ENTREP2: variants seen among roughly 807,000 people sequenced by gnomAD.
The protein encoded by ENTREP2 is protein ENTREP2.
the ENTREP2 span, among the ~76,000 whole-genome samples, chr15:29,281,701 C>T: frequency 9.2e-5 from 14 of 152,196 alleles, no homozygotes; most frequent in African/African-American, 1.7e-4. Flanking sequence ...TAACTTCCTT[C>T]GTTATTGAAA....
the ENTREP2 span, among the ~76,000 whole-genome samples, chr15:29,214,837 T>C: frequency 3.3e-5 from 5 of 152,348 alleles, no homozygotes; most frequent in East Asian, 1.9e-4. Flanking sequence ...CTTAAATTTA[T>C]TGAGGCTCGT....
chr15:29,261,633 C>T, the ENTREP2 span, among the ~76,000 whole-genome samples: 1 of 152,130 alleles, frequency 6.6e-6, no homozygotes, highest in East Asian at 1.9e-4. Context: ...ATTTTAAAAA[C>T]TGATTTTATA....
the ENTREP2 span, among the ~76,000 whole-genome samples, chr15:29,476,524 T>TC: frequency 6.6e-6 from 1 of 152,208 alleles, no homozygotes; most frequent in Non-Finnish European, 1.5e-5. Context: ...GACACATCCC[T>TC]CTTCGTGGTC....
chr15:29,549,912 G>T, the ENTREP2 span, among the ~76,000 whole-genome samples: 4 of 152,214 alleles, frequency 2.6e-5, no homozygotes, highest in African/African-American at 9.6e-5. Context: ...ATGATTCAGA[G>T]TCAGAGTGAG....
the ENTREP2 span, among the ~76,000 whole-genome samples, chr15:29,555,942 G>A: frequency 6.6e-6 from 1 of 152,196 alleles, no homozygotes; most frequent in Admixed American, 6.5e-5. Context: ...GCATGGGTAG[G>A]ACAGCTTCTT....
At chr15:29,254,516 T>C in the ENTREP2 span, among the ~76,000 whole-genome samples, 1 of 152,160 alleles carries the variant, frequency 6.6e-6, no homozygotes, top group Non-Finnish European at 1.5e-5. Flanking sequence ...GATTTCCTCA[T>C]TAAATAATGA....
chr15:29,217,399 G>T, the ENTREP2 span, among the ~76,000 whole-genome samples: 1 of 152,162 alleles, frequency 6.6e-6, no homozygotes, highest in African/African-American at 2.4e-5. Flanking sequence ...TAAAAACGAG[G>T]TTGGGCATTA....
the ENTREP2 span, among the ~76,000 whole-genome samples, chr15:29,532,155 A>C: frequency 0.044 from 6,626 of 152,232 alleles, 488 homozygotes; most frequent in African/African-American, 0.15. Context: ...CTCAGATTCT[A>C]ATTTTTACCC....
the ENTREP2 span, among the ~76,000 whole-genome samples, chr15:29,497,252 C>T: frequency 2.0e-5 from 3 of 152,174 alleles, no homozygotes; most frequent in Non-Finnish European, 4.4e-5. Flanking sequence ...ATGTAAGTTA[C>T]CAAGTCTGTG....
the ENTREP2 span, among the ~76,000 whole-genome samples, chr15:29,440,681 T>C: frequency 0.03 from 4,599 of 152,278 alleles, 246 homozygotes; most frequent in African/African-American, 0.1. Context: ...CAGGGTCGGC[T>C]GGGCCCAGGA....
At chr15:29,674,707 G>A in the ENTREP2 span, among the ~76,000 whole-genome samples, 1 of 151,548 alleles carries the variant, frequency 6.6e-6, no homozygotes, top group East Asian at 2.0e-4. Flanking sequence ...GGCATGCCGG[G>A]GGGGCGGAGG....
the ENTREP2 span, chr15:29,269,393 GA>G: frequency 6.2e-7 from 1 of 1,614,156 alleles, no homozygotes; most frequent in Non-Finnish European, 8.5e-7. Flanking sequence ...CGCTTGATCG[GA>G]ATCTTCTTCT....
chr15:29,655,524 C>T, the ENTREP2 span, among the ~76,000 whole-genome samples: 10 of 152,132 alleles, frequency 6.6e-5, no homozygotes, highest in Non-Finnish European at 1.2e-4. Context: ...AAAAAGCAAT[C>T]CCCAGTCAAA....
At chr15:29,128,792 G>A in the ENTREP2 span, 1 of 1,550,154 alleles carries the variant, frequency 6.5e-7, no homozygotes, top group Non-Finnish European at 8.7e-7. Flanking sequence ...AGCTTACCTG[G>A]AGTGCTGAAG....
the ENTREP2 span, chr15:29,128,867 A>G: frequency 5.2e-6 from 8 of 1,548,056 alleles, no homozygotes; most frequent in Non-Finnish European, 6.1e-6. Flanking sequence ...CTTGTAACCT[A>G]CAGTAAGAAA....
chr15:29,399,048 TGAA>T, the ENTREP2 span, among the ~76,000 whole-genome samples: 14 of 152,170 alleles, frequency 9.2e-5, no homozygotes, highest in Non-Finnish European at 1.3e-4. Flanking sequence ...CTGCTGGCCT[TGAA>T]GAAGTGGGCT....
At chr15:29,343,032 G>GGGGC in the ENTREP2 span, among the ~76,000 whole-genome samples, 11 of 146,220 alleles carry the variant, frequency 7.5e-5, no homozygotes, top group East Asian at 1.8e-3. Flanking sequence ...AGGAATGGGG[G>GGGGC]GGGTGGTTCT....
the ENTREP2 span, among the ~76,000 whole-genome samples, chr15:29,435,493 G>A: frequency 1.3e-5 from 2 of 152,020 alleles, no homozygotes; most frequent in African/African-American, 2.4e-5. Context: ...TAATTTTTAT[G>A]TTTGTTAATA....
the ENTREP2 span, among the ~76,000 whole-genome samples, chr15:29,471,041 A>G: frequency 2.3e-3 from 345 of 152,084 alleles, 1 homozygote; most frequent in African/African-American, 7.8e-3. Context: ...TTTCCTGCCG[A>G]CTCCTGAATT....
Sources: gnomAD v4.1 joint callset for allele counts (sites outside exome capture counted in the v4.1 genomes callset) on GRCh38, gnomAD v4.1.1 for gene constraint, MANE v1.5 for transcripts, NCBI Gene and HGNC (gene_info 2026-07-23, HGNC 2026-07-21) for gene names.